CELF6: variants seen among roughly 807,000 people sequenced by gnomAD.
CELF6 encodes the protein Bruno -like 6, RNA binding protein.
Under a neutral mutation model 53.1 loss-of-function variants are expected in CELF6, and 32 were observed. The ratio of observed to expected loss-of-function variants is 0.60; its 90% CI spans 0.46 to 0.81. CELF6 has a LOEUF of 0.81. CELF6 is among the 30% of genes least tolerant of loss of function. The pLI is 0.00. For missense variants in CELF6, 539 were observed against 669.5 expected (o/e 0.81, Z 2.15); for synonymous variants, 291 against 288.8 (o/e 1.01, Z -0.08).
At chr15:72,304,857 T>G (rs2088206482) in intron 2 of CELF6, 63 bp from the exon 3 acceptor site, 1 of 1,522,570 alleles carries the variant, frequency 6.6e-7, no homozygotes, top group African/African-American at 1.4e-5. Context: ...GCCCCCAGCT[T>G]CTCGAACCCT....
rs1199406260 is a variant in CELF6 at position 72,320,125 on chromosome 15, C to T, written c.-251G>A. 1 of 644,256 alleles carries T rather than the reference C, an allele frequency of 1.6e-6. No homozygotes were observed. Among genetic ancestry groups the T allele is most frequent in the Non-Finnish European group, 2.9e-6 (1 of 348,746 alleles). 39.9% of individuals were successfully genotyped at this position (644,256 alleles called of 1,614,324 possible). A position where few individuals can be genotyped will look rare whatever the true frequency, so the allele number is the denominator to read the frequency against. ...ACGCTGGGGTCTGGCTTGAGGTCCC[C>T]GTGCGGCTCTCTCTGGGCTCCCGCC... On this transcript the variant is annotated 5_prime_UTR_variant, in exon 1 of 13. Transcript: ENST00000287202.
chr15:72,305,232 A>C (rs1385660990), intron 2 of CELF6, among the ~76,000 whole-genome samples: 1 of 152,188 alleles, frequency 6.6e-6, no homozygotes, highest in Non-Finnish European at 1.5e-5. Context: ...AGAGTCTGGG[A>C]ATCAGACTCA....
rs541572819 is a variant in CELF6 at position 72,288,334 on chromosome 15, C to T, written c.1292G>A (p.Arg431Gln). The T allele has an allele frequency of 1.2e-5, 19 of 1,613,956 alleles. No individual in the cohort carries two copies. The highest frequency in any genetic ancestry group is 3.3e-5 in the Admixed American group (2 of 59,998). ...AAAACACTTGCTCTGGTTGGTGGCT[C>T]GATCCACAAAGACTTTAGCAGAGAC... ...AVVSAKVFVD[R>Q]ATNQSKCFGF... The change falls in exon 11 of 13, where the codon CGA (arginine) becomes CAA (glutamine). Residue 431 changes from arginine to glutamine, a missense_variant. This residue lies in a region of CELF6 where 358 missense variants were observed against 412.8 expected (regional missense o/e 0.87). Coordinates refer to ENST00000287202, the MANE Select transcript of CELF6 (RefSeq NM_052840.5). The surrounding 1 kb of genome is among the most constrained non-coding windows in gnomAD (Gnocchi z 4.6).
In CELF6 at chr15:72,288,321, C is replaced by G. The variant is rs767819247; in HGVS notation, c.1305G>C (p.Gln435His). 4.3e-6 allele frequency: 7 copies of G among 1,614,078 alleles called. No homozygotes were observed. In the Admixed American group the frequency reaches 1.0e-4, roughly 23 times the overall value. The change falls in exon 11 of 13, where the codon CAG becomes CAC. Residue 435 changes from glutamine (Q) to histidine (H), a missense_variant. By Grantham distance (24) the Gln-to-His change is conservative. This residue lies in a region of CELF6 where 358 missense variants were observed against 412.8 expected (regional missense o/e 0.87). Coordinates refer to ENST00000287202, the MANE Select transcript of CELF6 (RefSeq NM_052840.5). The surrounding 1 kb of genome is among the most constrained non-coding windows in gnomAD (Gnocchi z 4.6). ...TTCTCAGCTCACCAAAACACTTGCT[C>G]TGGTTGGTGGCTCGATCCACAAAGA... ...AKVFVDRATN[Q>H]SKCFGFVSFD...
In CELF6 at chr15:72,289,821, C is replaced by T; in HGVS notation, c.604-51G>A. On this transcript the variant is annotated intron_variant, in intron 5 of 12. Transcript: ENST00000287202. The surrounding 1 kb of genome is among the most constrained non-coding windows in gnomAD (Gnocchi z 7.6). The stretch of plus-strand genomic sequence containing the variant: ...TGACCGGTCCTGACCCTGGCCCCGG[C>T]CCGGGGCCGAGCGCCTTTCCCATCA... 6.8e-7 allele frequency: 1 copy of T among 1,468,030 alleles called. No individual in the cohort carries two copies. Among genetic ancestry groups the T allele is most frequent in the African/African-American group, 1.4e-5 (1 of 71,146 alleles). 90.9% of individuals were successfully genotyped at this position (1,468,030 alleles called of 1,614,324 possible).
intron 3 of CELF6, chr15:72,292,264 G>A (rs981157044): frequency 4.0e-5 from 62 of 1,533,266 alleles, no homozygotes; most frequent in Non-Finnish European, 5.3e-5. Context: ...CTGTTCAGGA[G>A]CCTGAGAAGA....
chr15:72,300,637 C>T (rs909018542), intron 3 of CELF6, among the ~76,000 whole-genome samples: 2 of 152,098 alleles, frequency 1.3e-5, no homozygotes, highest in Non-Finnish European at 2.9e-5. Context: ...AGTTCAAGAC[C>T]AGCCTGGCCA....
chr15:72,301,734 AT>A (rs34705032), intron 3 of CELF6, among the ~76,000 whole-genome samples: 3,839 of 125,784 alleles, frequency 0.031, 56 homozygotes, highest in African/African-American at 0.072. Flanking sequence ...TAAAAAGTTG[AT>A]TTTTTTTTTT....
chr15:72,314,823 G>A (rs1330747850), intron 2 of CELF6, among the ~76,000 whole-genome samples: 3 of 152,054 alleles, frequency 2.0e-5, no homozygotes. Flanking sequence ...TCGAACTCCT[G>A]ACCTCAGGTG....
At chr15:72,290,060 G>A (rs1371969289) in intron 4 of CELF6, 42 bp from the exon 5 acceptor site, 1 of 1,613,434 alleles carries the variant, frequency 6.2e-7, no homozygotes, top group Non-Finnish European at 8.5e-7. Flanking sequence ...GGCCACAGGG[G>A]CCAAAGAGTT....
chr15:72,289,615 C>A lies in CELF6; in HGVS notation c.747+12G>T. 6.7e-7 allele frequency: 1 copy of A among 1,500,210 alleles called. No homozygotes were observed. The highest frequency in any genetic ancestry group is 8.8e-7 in the Non-Finnish European group (1 of 1,132,948). 92.9% of individuals were successfully genotyped at this position (1,500,210 alleles called of 1,614,324 possible). Reference sequence around the variant, plus strand: ...ACCTGCGCGCCCTCGCACGCAGGTGCCCGGTACCTACCGCCGTGGTGTAGG... The same window carrying A: ...ACCTGCGCGCCCTCGCACGCAGGTGACCGGTACCTACCGCCGTGGTGTAGG... On this transcript the variant is annotated intron_variant, in intron 6 of 12. Coordinates refer to ENST00000287202, the MANE Select transcript of CELF6 (RefSeq NM_052840.5). This position sits in a 1 kb window ranked among gnomAD's most constrained non-coding sequence, Gnocchi z 7.6.
rs2087977468 is a variant in CELF6, at chr15:72,289,661, AGTGGCGCG to A, written c.705_712del (p.Pro237AlafsTer44). The A allele has an allele frequency of 6.7e-7, 1 of 1,501,036 alleles. No individual in the cohort carries two copies. The highest frequency in any genetic ancestry group is 1.2e-5 in the South Asian group (1 of 80,506). The allele number at this position is 1,501,036 out of a possible 1,614,324, so 93.0% of individuals were successfully genotyped here. A position where few individuals can be genotyped will look rare whatever the true frequency, so the allele number is the denominator to read the frequency against. ...GTAGGCGCCGCAGGCCCCTAGCGGC[AGTGGCGCG>A]GGGTGGAAGGCGCCCAGGTGGCCGG... is the stretch of plus-strand genomic sequence containing the variant. On this transcript the variant is annotated frameshift_variant, in exon 6 of 13. Transcript: ENST00000287202. LOFTEE classifies it high-confidence loss of function. This position sits in a 1 kb window ranked among gnomAD's most constrained non-coding sequence, Gnocchi z 7.6.
Position 72,288,309 on chromosome 15 carries a change from A to C in CELF6, c.1317T>G (p.Phe439Leu), listed in dbSNP as rs1314670157. 1 of 1,614,048 alleles carries C rather than the reference A, an allele frequency of 6.2e-7. No individual in the cohort carries two copies. The highest frequency in any genetic ancestry group is 8.5e-7 in the Non-Finnish European group (1 of 1,180,032). ...VDRATNQSKCFGFVSFDNPTS... is the reference protein window; with the variant it reads ...VDRATNQSKCLGFVSFDNPTS... ...CCTAGGGGTAGGTTCTCAGCTCACC[A>C]AAACACTTGCTCTGGTTGGTGGCTC... Residue 439 changes from phenylalanine (F) to leucine (L), a missense_variant and splice_region_variant, in exon 11 of 13, where the codon TTT (phenylalanine) becomes TTG (leucine). Physicochemically the swap from Phe to Leu is conservative, Grantham distance 22. Around this residue, in one of 3 missense-constraint regions of CELF6, gnomAD observed 358 missense variants for 412.8 expected, o/e 0.87. Coordinates refer to ENST00000287202, the MANE Select transcript of CELF6 (RefSeq NM_052840.5). This position sits in a 1 kb window ranked among gnomAD's most constrained non-coding sequence, Gnocchi z 4.6.
chr15:72,309,495 G>C (rs1197568761), intron 2 of CELF6, among the ~76,000 whole-genome samples: 1 of 152,208 alleles, frequency 6.6e-6, no homozygotes, highest in Non-Finnish European at 1.5e-5. Context: ...GTTGGGGAAG[G>C]TGGGAGTTTG....
intron 2 of CELF6, 52 bp from the exon 3 acceptor site, chr15:72,304,846 A>G (rs1292157528): frequency 6.3e-7 from 1 of 1,581,956 alleles, no homozygotes; most frequent in African/African-American, 1.3e-5. Context: ...CTGGTCCTGG[A>G]GCCCCCAGCT....
chr15:72,314,591 T>G (rs1169273968), intron 2 of CELF6, among the ~76,000 whole-genome samples: 3 of 133,030 alleles, frequency 2.3e-5, no homozygotes, highest in African/African-American at 6.6e-5. Context: ...AACCCAGTGT[T>G]TTTTTTTTTT....
At chr15:72,313,643 C>T (rs991197404) in intron 2 of CELF6, 1 of 412,398 alleles carries the variant, frequency 2.4e-6, no homozygotes, top group African/African-American at 2.2e-5. Context: ...CCCCACAGTG[C>T]CAGCCGCATT....
rs533489519 is a variant in CELF6 at position 72,319,140 on chromosome 15, G to A, written c.262+473C>T. Among the ~76,000 whole-genome samples the A allele has an allele frequency of 4.6e-5, 7 of 152,214 alleles. No individual in the cohort carries two copies. The highest frequency in any genetic ancestry group is 4.2e-4 in the South Asian group (2 of 4,816). On this transcript the variant is annotated intron_variant, in intron 1 of 12. Transcript: ENST00000287202. The surrounding 1 kb of genome is among the most constrained non-coding windows in gnomAD (Gnocchi z 5.0). ...AAGAAGGCTCTTGAGGGGGATGGCC[G>A]GACTAGGAGGCCAGAGGAGGGGTGC...
intron 3 of CELF6, among the ~76,000 whole-genome samples, chr15:72,303,916 G>C (rs1019547140): frequency 6.6e-6 from 1 of 151,986 alleles, no homozygotes; most frequent in Non-Finnish European, 1.5e-5. Flanking sequence ...GGAGTGCAAT[G>C]GCGTGATCTC....
Sources: allele counts gnomAD v4.1 joint callset (sites outside exome capture counted in the v4.1 genomes callset), GRCh38; gene constraint gnomAD v4.1.1; regional missense constraint gnomAD v4.1.1; non-coding constraint Gnocchi (gnomAD v3.1); transcripts MANE v1.5; gene names NCBI Gene and HGNC (gene_info 2026-07-23, HGNC 2026-07-21).